The following NKAIN3 variants were observed in gnomAD, a reference collection of about 807,000 sequenced individuals.
The protein encoded by NKAIN3 is sodium/potassium transporting ATPase interacting 3.
In NKAIN3, 25 loss-of-function variants were observed where a neutral mutation model predicts 30.2. The observed-to-expected ratio is 0.83, with a 90% CI of 0.60 to 1.16. NKAIN3 has a LOEUF of 1.16. Among genes scored for constraint, NKAIN3 ranks in the 50% most tolerant of loss-of-function variants. The pLI is 0.00. For missense variants in NKAIN3, 225 were observed against 254.1 expected (o/e 0.89, Z 0.78); for synonymous variants, 91 against 89.6 (o/e 1.02, Z -0.09).
At chr8:62,720,720 C>A (rs895522232) in intron 3 of NKAIN3, among the ~76,000 whole-genome samples, 4 of 152,116 alleles carry the variant, frequency 2.6e-5, no homozygotes, top group African/African-American at 9.7e-5. Flanking sequence ...CCTCTTACTG[C>A]AAATTGTTTC....
intron 4 of NKAIN3, among the ~76,000 whole-genome samples, chr8:62,903,244 G>A (rs1275768796): frequency 1.3e-5 from 2 of 152,146 alleles, no homozygotes; most frequent in African/African-American, 4.8e-5. Flanking sequence ...TCTTAGAAGA[G>A]TGAACCAAAT....
intron 4 of NKAIN3, among the ~76,000 whole-genome samples, chr8:62,891,439 G>C (rs533482284): frequency 6.6e-6 from 1 of 152,192 alleles, no homozygotes; most frequent in Non-Finnish European, 1.5e-5. Context: ...TTGGGACTCA[G>C]ACTGGCTTCC....
intron 4 of NKAIN3, among the ~76,000 whole-genome samples, chr8:62,847,424 T>C (rs1028609160): frequency 7.2e-5 from 11 of 152,308 alleles, no homozygotes; most frequent in African/African-American, 2.6e-4. Flanking sequence ...TTTGCATTTC[T>C]CTAATCATCA....
chr8:62,717,693 A>G (rs1333624435), intron 3 of NKAIN3, among the ~76,000 whole-genome samples: 2 of 152,222 alleles, frequency 1.3e-5, no homozygotes, highest in Non-Finnish European at 2.9e-5. Flanking sequence ...CAGTATGACT[A>G]TAGAAAATAA....
At chr8:62,474,335 G>C (rs1264784132) in intron 1 of NKAIN3, 3 of 152,198 alleles carry the variant, frequency 2.0e-5, no homozygotes, top group Non-Finnish European at 4.4e-5. Flanking sequence ...GGGAGCACAG[G>C]GAAGCCAGCT....
chr8:62,330,556 C>T (rs890437235), intron 1 of NKAIN3, among the ~76,000 whole-genome samples: 13 of 151,894 alleles, frequency 8.6e-5, no homozygotes, highest in Non-Finnish European at 1.5e-4. Flanking sequence ...CATACCTGCC[C>T]CTCCTCTAGT....
At chr8:62,989,836 C>A (rs1436819611), downstream of NKAIN3, among the ~76,000 whole-genome samples, 1 of 152,120 alleles carries the variant, frequency 6.6e-6, no homozygotes, top group African/African-American at 2.4e-5. Context: ...GACATTGAAC[C>A]CTAAATACAC....
rs1272682174 is a variant in NKAIN3 at position 62,969,052 on chromosome 8, C to A, written c.*3645C>A. Among the ~76,000 whole-genome samples, 1 of 152,144 alleles carries A rather than the reference C, an allele frequency of 6.6e-6. No individual in the cohort carries two copies. The highest frequency in any genetic ancestry group is 1.5e-5 in the Non-Finnish European group (1 of 68,036). The stretch of plus-strand genomic sequence containing the variant: ...ACCACATAAAGTGAGGGTATGTGTC[C>A]CTCAAATGAGAAAAATGAAAACACA... On this transcript the variant is annotated 3_prime_UTR_variant, in exon 7 of 7. Coordinates refer to ENST00000623646, the MANE Select transcript of NKAIN3 (RefSeq NM_001304533.3).
chr8:62,665,491 A>T (rs1400347297), intron 3 of NKAIN3, among the ~76,000 whole-genome samples: 1 of 152,206 alleles, frequency 6.6e-6, no homozygotes, highest in Non-Finnish European at 1.5e-5. Flanking sequence ...AAAATCATTT[A>T]TGCAAATTAA....
chr8:62,866,726 G>A (rs1261747893), intron 4 of NKAIN3, among the ~76,000 whole-genome samples: 3 of 152,084 alleles, frequency 2.0e-5, no homozygotes, highest in Admixed American at 1.3e-4. Flanking sequence ...ATAATCCATT[G>A]TTTGAGGTGT....
At chr8:62,764,474 A>T (rs1563551834) in intron 4 of NKAIN3, among the ~76,000 whole-genome samples, 2 of 150,832 alleles carry the variant, frequency 1.3e-5, no homozygotes, top group South Asian at 2.1e-4. Flanking sequence ...ACAAATAAGT[A>T]TTTTTTTTTG....
Position 62,976,555 on chromosome 8 carries a change from T to C in NKAIN3, c.*11148T>C, listed in dbSNP as rs62508110. The stretch of plus-strand genomic sequence containing the variant: ...TTGCCTGGTAAATATCTCTCCATCC[T>C]TTTATTTTGAGCCTATGTGTGTCTT... On this transcript the variant is annotated 3_prime_UTR_variant, in exon 7 of 7. Transcript: ENST00000623646. Among the ~76,000 whole-genome samples the C allele has an allele frequency of 0.11, 16,281 of 152,248 alleles. 919 individuals carry two copies. The highest frequency in any genetic ancestry group is 0.17 in the South Asian group (820 of 4,816).
At chr8:62,829,833 T>G (rs1358389230) in intron 4 of NKAIN3, among the ~76,000 whole-genome samples, 2 of 152,166 alleles carry the variant, frequency 1.3e-5, no homozygotes, top group Non-Finnish European at 2.9e-5. Flanking sequence ...AAATACAAAC[T>G]TTTAAATTCA....
chr8:62,415,869 T>A (rs926447780), intron 1 of NKAIN3, among the ~76,000 whole-genome samples: 13 of 152,128 alleles, frequency 8.5e-5, no homozygotes, highest in African/African-American at 3.1e-4. Flanking sequence ...GCCATTCTCC[T>A]GCCTCAGCCT....
At chr8:62,864,911 C>A (rs1401498708) in intron 4 of NKAIN3, among the ~76,000 whole-genome samples, 1 of 152,128 alleles carries the variant, frequency 6.6e-6, no homozygotes, top group Non-Finnish European at 1.5e-5. Context: ...TACAGCACCC[C>A]TGCGGACATC....
chr8:62,877,385 C>T (rs1025260388), intron 4 of NKAIN3, among the ~76,000 whole-genome samples: 19 of 152,212 alleles, frequency 1.2e-4, no homozygotes, highest in Non-Finnish European at 2.1e-4. Context: ...TGCAAATACA[C>T]GAGACAGGGT....
intron 1 of NKAIN3, among the ~76,000 whole-genome samples, chr8:62,567,362 C>T (rs1196668307): frequency 1.3e-5 from 2 of 151,926 alleles, no homozygotes; most frequent in African/African-American, 2.4e-5. Context: ...AAGGGAACTC[C>T]GAATTGACAG....
chr8:62,505,645 G>A (rs998205848), intron 1 of NKAIN3, among the ~76,000 whole-genome samples: 18 of 152,040 alleles, frequency 1.2e-4, no homozygotes, highest in Non-Finnish European at 2.9e-5. Context: ...TGACTTTGTT[G>A]ATCTTTTTTC....
At chr8:62,707,591 A>G (rs1336517492) in intron 3 of NKAIN3, among the ~76,000 whole-genome samples, 1 of 151,402 alleles carries the variant, frequency 6.6e-6, no homozygotes, top group Non-Finnish European at 1.5e-5. Flanking sequence ...TTTCTTACTG[A>G]TTTGTTTGAG....
Sources: gnomAD v4.1 joint callset for allele counts (sites outside exome capture counted in the v4.1 genomes callset) on GRCh38, gnomAD v4.1.1 for gene constraint, MANE v1.5 for transcripts, NCBI Gene and HGNC (gene_info 2026-07-23, HGNC 2026-07-21) for gene names.